GPC5: variants seen among roughly 807,000 people sequenced by gnomAD.
GPC5 encodes the protein glypican-5.
A neutral mutation model predicts 53.9 loss-of-function variants in GPC5; 47 were observed. The observed-to-expected ratio is 0.87, with a 90% CI of 0.69 to 1.11. GPC5 has a LOEUF of 1.11. Among genes scored for constraint, GPC5 ranks in the 50% most tolerant of loss-of-function variants. GPC5 has a pLI of 0.00. For synonymous variants in GPC5, 286 were observed against 263.3 expected, an observed-to-expected ratio of 1.09 and a Z score of -0.84; for missense variants, 748 against 713.1, an observed-to-expected ratio of 1.05 and a Z score of -0.56.
intron 7 of GPC5, among the ~76,000 whole-genome samples, chr13:92,187,972 C>G (rs774234798): frequency 9.9e-5 from 15 of 152,112 alleles, no homozygotes; most frequent in Non-Finnish European, 1.6e-4. Context: ...TATTTTTTAA[C>G]ATAGAAATCC....
At chr13:91,485,709 C>CTTCA (rs1381590057) in intron 2 of GPC5, 1 of 151,958 alleles carries the variant, frequency 6.6e-6, no homozygotes, top group Non-Finnish European at 1.5e-5. Context: ...TTTATTCAGG[C>CTTCA]TGAAAAGAGG....
chr13:92,578,940 T>G (rs1238647413), intron 7 of GPC5, among the ~76,000 whole-genome samples: 1 of 152,082 alleles, frequency 6.6e-6, no homozygotes, highest in African/African-American at 2.4e-5. Context: ...ATGATCCCAA[T>G]AAGTGATAAC....
intron 6 of GPC5, among the ~76,000 whole-genome samples, chr13:92,139,653 T>A (rs1213824347): frequency 1.8e-5 from 2 of 111,152 alleles, no homozygotes; most frequent in African/African-American, 7.3e-5. Flanking sequence ...GGTGACAGAG[T>A]GAGATTCCGT....
chr13:91,518,587 C>G (rs981068646), intron 2 of GPC5, among the ~76,000 whole-genome samples: 1 of 152,168 alleles, frequency 6.6e-6, no homozygotes, highest in South Asian at 2.1e-4. Context: ...GAGTCTCGCT[C>G]TGTCGCCCAG....
chr13:92,494,417 C>A (rs1879892608), intron 7 of GPC5, among the ~76,000 whole-genome samples: 1 of 152,154 alleles, frequency 6.6e-6, no homozygotes, highest in South Asian at 2.1e-4. Flanking sequence ...TACTGAAGAA[C>A]TTTGAAGTTC....
At chr13:92,707,285 C>G (rs528980719) in intron 7 of GPC5, among the ~76,000 whole-genome samples, 3 of 152,128 alleles carry the variant, frequency 2.0e-5, no homozygotes, top group Non-Finnish European at 4.4e-5. Flanking sequence ...TGACCAAAGC[C>G]CAAGACACAA....
At chr13:91,976,219 A>C (rs1276793016) in intron 6 of GPC5, among the ~76,000 whole-genome samples, 1 of 152,190 alleles carries the variant, frequency 6.6e-6, no homozygotes, top group Non-Finnish European at 1.5e-5. Context: ...ACATGTATAC[A>C]TATGTAACTA....
intron 2 of GPC5, among the ~76,000 whole-genome samples, chr13:91,451,033 TA>T (rs1162226204): frequency 6.6e-6 from 1 of 152,310 alleles, no homozygotes; most frequent in African/African-American, 2.4e-5. Context: ...ACCTTATCAT[TA>T]AGTAAAATGC....
At chr13:92,366,309 A>G (rs1174165211) in intron 7 of GPC5, among the ~76,000 whole-genome samples, 1 of 151,756 alleles carries the variant, frequency 6.6e-6, no homozygotes, top group Non-Finnish European at 1.5e-5. Flanking sequence ...TCTGTATTCT[A>G]ATTCTGGTCT....
chr13:92,677,755 T>C (rs1466528281), intron 7 of GPC5, among the ~76,000 whole-genome samples: 1 of 149,194 alleles, frequency 6.7e-6, no homozygotes, highest in Non-Finnish European at 1.5e-5. Flanking sequence ...AATGGGCTGA[T>C]GCCTGAAACC....
At chr13:91,413,755 C>G (rs890735351) in intron 1 of GPC5, among the ~76,000 whole-genome samples, 3 of 152,152 alleles carry the variant, frequency 2.0e-5, no homozygotes, top group Non-Finnish European at 4.4e-5. Context: ...GCTTCTCAGA[C>G]CCTTGGTGAT....
At chr13:92,092,062 G>A (rs539705213) in intron 6 of GPC5, among the ~76,000 whole-genome samples, 8 of 152,234 alleles carry the variant, frequency 5.3e-5, no homozygotes, top group Non-Finnish European at 4.4e-5. Flanking sequence ...TATTGTCTAT[G>A]CATTAGCCAC....
At chr13:92,705,806 C>G (rs1176289747) in intron 7 of GPC5, among the ~76,000 whole-genome samples, 1 of 151,966 alleles carries the variant, frequency 6.6e-6, no homozygotes, top group Non-Finnish European at 1.5e-5. Context: ...CAATAAAGGG[C>G]TGGGCACAGT....
At chr13:92,133,972 C>A (rs1003077053) in intron 6 of GPC5, among the ~76,000 whole-genome samples, 4 of 152,038 alleles carry the variant, frequency 2.6e-5, no homozygotes, top group African/African-American at 9.7e-5. Context: ...AAAACTATTA[C>A]CTTGGCAATA....
At chr13:91,430,864 T>G (rs57994133) in intron 1 of GPC5, among the ~76,000 whole-genome samples, 1,759 of 152,240 alleles carry the variant, frequency 0.012, 37 homozygotes, top group African/African-American at 0.041. Context: ...GCTGGTGATA[T>G]GCCAAGTAAT....
chr13:91,474,990 A>G (rs1384011426), intron 2 of GPC5, among the ~76,000 whole-genome samples: 1 of 152,220 alleles, frequency 6.6e-6, no homozygotes, highest in Non-Finnish European at 1.5e-5. Context: ...GTCAAGCATC[A>G]AAGAAATAGG....
chr13:91,490,664 T>C (rs1443263558), intron 2 of GPC5, among the ~76,000 whole-genome samples: 3 of 152,182 alleles, frequency 2.0e-5, no homozygotes, highest in Non-Finnish European at 2.9e-5. Flanking sequence ...GAGTTGAGTA[T>C]ACTTGTTTGA....
chr13:92,813,685 C>T (rs1474483728), intron 7 of GPC5, among the ~76,000 whole-genome samples: 1 of 151,810 alleles, frequency 6.6e-6, no homozygotes, highest in African/African-American at 2.4e-5. Context: ...TATTCTTTAC[C>T]AAAAATGTAC....
At chr13:92,205,680 G>A (rs561487960) in intron 7 of GPC5, among the ~76,000 whole-genome samples, 33 of 152,274 alleles carry the variant, frequency 2.2e-4, no homozygotes, top group African/African-American at 7.9e-4. Context: ...TTATATGACA[G>A]CTGCAACAGT....
Sources: allele counts gnomAD v4.1 joint callset (sites outside exome capture counted in the v4.1 genomes callset), GRCh38; gene constraint gnomAD v4.1.1; transcripts MANE v1.5; gene names NCBI Gene and HGNC (gene_info 2026-07-23, HGNC 2026-07-21).